IBTK: variants seen among roughly 807,000 people sequenced by gnomAD.
IBTK encodes BTK-binding protein.
Under a neutral mutation model 154.9 loss-of-function variants are expected in IBTK, and 83 were observed. That is an observed-to-expected ratio of 0.54 (90% CI 0.45 to 0.64). The LOEUF is 0.64. Among genes scored for constraint, IBTK ranks in the 30% least tolerant of loss-of-function variants. The pLI, the probability that IBTK is intolerant of heterozygous loss-of-function variation, is 0.00. For missense variants in IBTK, 1,332 were observed against 1,584.6 expected, an observed-to-expected ratio of 0.84 and a Z score of 2.71; for synonymous variants, 515 against 536.1, an observed-to-expected ratio of 0.96 and a Z score of 0.54.
rs116201868 is a variant in IBTK at position 82,208,097 on chromosome 6, G to A, written c.2509+2717C>T. ...ACTGCATACTTGAGATTTGCTGAAG[G>A]ACTAGATCTCAAGTACTCTCACCAC... On this transcript the variant is annotated intron_variant, in intron 16 of 28. Transcript: ENST00000306270. Among the ~76,000 whole-genome samples the A allele has an allele frequency of 3.6e-3, 533 of 149,260 alleles. 2 individuals are homozygous for A. The highest frequency in any genetic ancestry group is 0.012 in the African/African-American group (502 of 40,638).
chr6:82,208,223 T>C (rs181024306), intron 16 of IBTK, among the ~76,000 whole-genome samples: 2 of 146,540 alleles, frequency 1.4e-5, no homozygotes, highest in Admixed American at 1.3e-4. Context: ...ATATTATACA[T>C]ATATATATCT....
rs189752988 is a variant in IBTK at position 82,230,301 on chromosome 6, T to G, written c.543+1417A>C. Among the ~76,000 whole-genome samples, 308 of 152,292 alleles carry G rather than the reference T, an allele frequency of 2.0e-3. 3 individuals are homozygous for G. The highest frequency in any genetic ancestry group is 7.0e-3 in the African/African-American group (292 of 41,572). On this transcript the variant is annotated intron_variant, in intron 4 of 28. Coordinates refer to ENST00000306270, the MANE Select transcript of IBTK (RefSeq NM_015525.4). Reference sequence around the variant, plus strand: ...CTTCAAAATGCAGAAAGAATATAACTAGGAAGTTGTAGGAAATGTAAGTTG... The same window carrying G: ...CTTCAAAATGCAGAAAGAATATAACGAGGAAGTTGTAGGAAATGTAAGTTG...
chr6:82,210,827 A>G lies in IBTK; in HGVS notation c.2496T>C (p.Ala832=), dbSNP rs1223918279. 8 of 1,486,704 alleles carry G rather than the reference A, an allele frequency of 5.4e-6. No homozygotes were observed. Among genetic ancestry groups the G allele is most frequent in the Non-Finnish European group, 7.3e-6 (8 of 1,095,822 alleles). The allele number at this position is 1,486,704 out of a possible 1,614,324, so 92.1% of individuals were successfully genotyped here. A position where few individuals can be genotyped will look rare whatever the true frequency, so the allele number is the denominator to read the frequency against. ...TCTTATTAATACCTTTTATCACCAC[A>G]GCTTCATCAGTATAGAGGTAGTCCA... The part of the protein sequence containing the change: ...VILDYLYTDE[A]VVIKESQNVD... Residue 832 remains alanine, a synonymous_variant, in exon 16 of 29, where the codon GCT becomes GCC. Transcript: ENST00000306270.
Position 82,218,159 on chromosome 6 carries a change from T to C in IBTK, c.1249-22A>G, listed in dbSNP as rs761423052. 1.3e-5 allele frequency: 19 copies of C among 1,492,952 alleles called. No homozygotes were observed. The South Asian group carries it at 2.3e-4, about 18-fold the overall frequency. 92.5% of individuals were successfully genotyped at this position (1,492,952 alleles called of 1,614,324 possible). A position where few individuals can be genotyped will look rare whatever the true frequency, so the allele number is the denominator to read the frequency against. ...ACACCTAAAACAAAACCAAATCACA[T>C]TGAAATATAAAGCAAGTAGCATTTG... On this transcript the variant is annotated intron_variant, in intron 9 of 28. Transcript: ENST00000306270.
At chr6:82,227,080 T>A in intron 5 of IBTK, 112 bp downstream of exon 5, 1 of 611,718 alleles carries the variant, frequency 1.6e-6, no homozygotes, top group Admixed American at 2.8e-5. Context: ...CTATTATCAA[T>A]TGATGTATTA....
Position 82,240,237 on chromosome 6 carries a change from CTT to C in IBTK, c.248_249del (p.Lys83ArgfsTer17), listed in dbSNP as rs1396571975. The C allele has an allele frequency of 5.6e-6, 9 of 1,614,236 alleles. No homozygotes were observed. Among genetic ancestry groups the C allele is most frequent in the Non-Finnish European group, 7.6e-6 (9 of 1,180,030 alleles). Reference protein sequence around the residue: ...QKGVDLLVKDKESGWTALHRS... With the variant: ...QKGVDLLVKDXESGWTALHRS... ...CTGTGCAATGCTGTCCATCCAGACT[CTT>C]TGTCTTTCACCAACAGATCCACTCC... On this transcript the variant is annotated frameshift_variant, in exon 2 of 29. Transcript: ENST00000306270. LOFTEE classifies it high-confidence loss of function.
intron 12 of IBTK, among the ~76,000 whole-genome samples, chr6:82,213,702 C>T (rs925015743): frequency 2.0e-5 from 3 of 152,100 alleles, no homozygotes; most frequent in African/African-American, 7.2e-5. Context: ...ACTCCAGATC[C>T]CTGTTACATA....
At chr6:82,241,861 T>C (rs377477176) in intron 1 of IBTK, among the ~76,000 whole-genome samples, 2 of 152,230 alleles carry the variant, frequency 1.3e-5, no homozygotes, top group South Asian at 2.1e-4. Context: ...GTTTACTATA[T>C]GTATAGGGAA....
Position 82,191,117 on chromosome 6 carries a change from T to C in IBTK, c.3531A>G (p.Thr1177=), listed in dbSNP as rs763054402. The C allele has an allele frequency of 6.2e-7, 1 of 1,601,358 alleles. No homozygotes were observed. The highest frequency in any genetic ancestry group is 1.1e-5 in the South Asian group (1 of 89,212). Residue 1177 remains threonine, a synonymous_variant, in exon 25 of 29, where the codon ACA becomes ACG. Transcript: ENST00000306270. ...ENNSGMNSME[T]VLFTPSKAPK... ...GGGCTTTTGAAGGAGTGAATAAAAC[T>C]GTTTCCATGCTATTCATTCCTGAAT...
At chr6:82,181,670 G>A (rs1164290839) in intron 26 of IBTK, among the ~76,000 whole-genome samples, 2 of 146,526 alleles carry the variant, frequency 1.4e-5, no homozygotes, top group African/African-American at 2.5e-5. Flanking sequence ...TTAAATATAC[G>A]CAATTGATTT....
intron 9 of IBTK, 114 bp from the exon 10 acceptor site, chr6:82,218,251 T>C (rs1769944723): frequency 1.7e-6 from 1 of 577,058 alleles, no homozygotes. Context: ...CTCATTAGTA[T>C]GTTTCAATGT....
At chr6:82,237,791 T>C (rs1034189589) in intron 2 of IBTK, among the ~76,000 whole-genome samples, 3 of 151,878 alleles carry the variant, frequency 2.0e-5, no homozygotes, top group African/African-American at 7.3e-5. Flanking sequence ...TAAATGTTAC[T>C]ACATAAAAGC....
chr6:82,205,021 AT>A (rs1769347664), intron 16 of IBTK, 63 bp from the exon 17 acceptor site: 1 of 934,312 alleles, frequency 1.1e-6, no homozygotes, highest in Non-Finnish European at 1.6e-6. Context: ...AGAAAAAAAA[AT>A]TTGAAGTAAT....
chr6:82,241,426 T>C (rs1488090403), intron 1 of IBTK, among the ~76,000 whole-genome samples: 1 of 152,236 alleles, frequency 6.6e-6, no homozygotes, highest in Non-Finnish European at 1.5e-5. Context: ...TTAATATTGT[T>C]ACCTCTGCCT....
chr6:82,197,663 G>A (rs943510991), intron 21 of IBTK, among the ~76,000 whole-genome samples: 28 of 152,146 alleles, frequency 1.8e-4, no homozygotes, highest in Admixed American at 7.2e-4. Flanking sequence ...GAGCCACTGC[G>A]TCTTGCCTCT....
intron 27 of IBTK, chr6:82,172,961 T>G (rs1767981298): frequency 5.3e-6 from 1 of 190,422 alleles, no homozygotes; most frequent in African/African-American, 2.4e-5. Context: ...TTCTACTCAA[T>G]ACCATACTAT....
intron 8 of IBTK, among the ~76,000 whole-genome samples, chr6:82,222,547 A>G (rs764023385): frequency 1.2e-4 from 18 of 152,224 alleles, no homozygotes; most frequent in Non-Finnish European, 2.2e-4. Context: ...ATACTTTGGA[A>G]TGGCACAATA....
chr6:82,221,195 G>A (rs896119805), intron 8 of IBTK, among the ~76,000 whole-genome samples: 5 of 152,128 alleles, frequency 3.3e-5, no homozygotes, highest in South Asian at 4.2e-4. Context: ...ATGGTGATGC[G>A]CCCCTGTAGT....
intron 13 of IBTK, 45 bp from the exon 14 acceptor site, chr6:82,211,617 ATT>A (rs1255567018): frequency 6.8e-7 from 1 of 1,475,058 alleles, no homozygotes; most frequent in African/African-American, 1.4e-5. Flanking sequence ...TTCTTTACAT[ATT>A]TAGTGAAAAA....
Sources: allele counts gnomAD v4.1 joint callset (sites outside exome capture counted in the v4.1 genomes callset), GRCh38; gene constraint gnomAD v4.1.1; transcripts MANE v1.5; gene names NCBI Gene and HGNC (gene_info 2026-07-23, HGNC 2026-07-21).